Variants in SORCS3 observed in about 807,000 individuals in gnomAD.
SORCS3 encodes the protein VPS10 domain-containing receptor SorCS3.
In SORCS3, 57 loss-of-function variants were observed where a neutral mutation model predicts 146.3. That is an observed-to-expected ratio of 0.39 (90% confidence interval 0.31 to 0.49). The LOEUF (loss-of-function observed/expected upper bound fraction) is 0.49. Among genes scored for constraint, SORCS3 ranks in the 20% least tolerant of loss-of-function variants. SORCS3 has a pLI of 0.92. For missense variants in SORCS3, 1,341 were observed against 1,575.5 expected, an observed-to-expected ratio of 0.85 and a Z score of 2.52; for synonymous variants, 653 against 618.5, an observed-to-expected ratio of 1.06 and a Z score of -0.83.
chr10:105,138,061 G>A (rs2056070675), intron 7 of SORCS3, among the ~76,000 whole-genome samples: 1 of 152,152 alleles, frequency 6.6e-6, no homozygotes, highest in African/African-American at 2.4e-5. Flanking sequence ...AACAGATGTT[G>A]TATCAAAATA....
intron 3 of SORCS3, among the ~76,000 whole-genome samples, chr10:104,926,950 A>T (rs555133068): frequency 1.3e-5 from 2 of 152,304 alleles, no homozygotes; most frequent in South Asian, 2.1e-4. Context: ...GTATATCGTA[A>T]TTTTTTTAAA....
chr10:104,763,754 C>A (rs2017147468), intron 1 of SORCS3, among the ~76,000 whole-genome samples: 1 of 152,136 alleles, frequency 6.6e-6, no homozygotes, highest in Non-Finnish European at 1.5e-5. Flanking sequence ...GAATTGTAAT[C>A]CCCATAATCT....
At chr10:104,932,701 T>G (rs899073245) in intron 3 of SORCS3, among the ~76,000 whole-genome samples, 4 of 152,180 alleles carry the variant, frequency 2.6e-5, no homozygotes, top group African/African-American at 9.7e-5. Context: ...CTTTTAATTT[T>G]TATTTTTTAG....
At chr10:105,236,839 A>G (rs2056795520) in intron 20 of SORCS3, among the ~76,000 whole-genome samples, 1 of 152,158 alleles carries the variant, frequency 6.6e-6, no homozygotes, top group Non-Finnish European at 1.5e-5. Flanking sequence ...TAAAGCAAGG[A>G]TACTATAATA....
At chr10:104,983,167 T>G (rs1034593270) in intron 4 of SORCS3, among the ~76,000 whole-genome samples, 3 of 152,204 alleles carry the variant, frequency 2.0e-5, no homozygotes, top group South Asian at 2.1e-4. Context: ...ACCCGGCTAA[T>G]TTTTATATTT....
At chr10:104,736,755 T>A (rs2016778094) in intron 1 of SORCS3, among the ~76,000 whole-genome samples, 1 of 142,438 alleles carries the variant, frequency 7.0e-6, no homozygotes, top group Non-Finnish European at 1.5e-5. Flanking sequence ...CTTCTTCTTT[T>A]CTTTCAAAGG....
intron 1 of SORCS3, among the ~76,000 whole-genome samples, chr10:104,777,737 T>A (rs927166689): frequency 3.3e-5 from 5 of 152,106 alleles, no homozygotes; most frequent in African/African-American, 1.2e-4. Flanking sequence ...CCTGATTTTG[T>A]GTGTGAGTGT....
rs2056632338 is a variant in SORCS3, at chr10:105,211,268, A to G, written c.2375+18A>G. On this transcript the variant is annotated intron_variant, in intron 17 of 26. Transcript: ENST00000369701. Reference sequence around the variant, plus strand: ...AGCACTGGGTAAGTAAAACACCTACAGGAACTCAGCTCCCTGTTTTCCTGT... The same window carrying G: ...AGCACTGGGTAAGTAAAACACCTACGGGAACTCAGCTCCCTGTTTTCCTGT... 2 of 1,547,820 alleles carry G rather than the reference A, an allele frequency of 1.3e-6. No homozygotes were observed. Among genetic ancestry groups the G allele is most frequent in the Middle Eastern group, 1.7e-4 (1 of 5,950 alleles).
intron 1 of SORCS3, among the ~76,000 whole-genome samples, chr10:104,659,940 C>T (rs933186771): frequency 6.6e-6 from 1 of 152,092 alleles, no homozygotes; most frequent in Non-Finnish European, 1.5e-5. Context: ...TCCCCAGGAT[C>T]GGGGAGGGAG....
chr10:105,170,250 T>A (rs1237014658), intron 13 of SORCS3, among the ~76,000 whole-genome samples: 1 of 152,100 alleles, frequency 6.6e-6, no homozygotes, highest in Non-Finnish European at 1.5e-5. Flanking sequence ...CTTGTCTGAT[T>A]ATGCCTGGAA....
At chr10:105,043,254 G>A in intron 5 of SORCS3, 126 bp downstream of exon 5, 2 of 790,024 alleles carry the variant, frequency 2.5e-6, no homozygotes, top group Admixed American at 4.5e-5. Context: ...GCTACACAGA[G>A]TGGTTTGTAG....
chr10:105,016,740 G>C (rs1345319992), intron 4 of SORCS3, among the ~76,000 whole-genome samples: 1 of 152,072 alleles, frequency 6.6e-6, no homozygotes, highest in Non-Finnish European at 1.5e-5. Flanking sequence ...AATGTAGACA[G>C]TATTATTTCT....
intron 1 of SORCS3, among the ~76,000 whole-genome samples, chr10:104,648,583 A>T (rs1459217281): frequency 6.6e-6 from 1 of 152,098 alleles, no homozygotes; most frequent in Non-Finnish European, 1.5e-5. Context: ...AATGAATAAC[A>T]AGCTAGTTAA....
At chr10:104,878,485 CA>C (rs988847670) in intron 2 of SORCS3, among the ~76,000 whole-genome samples, 4 of 151,472 alleles carry the variant, frequency 2.6e-5, no homozygotes, top group Non-Finnish European at 4.4e-5. Flanking sequence ...TCAAAATCTG[CA>C]AAAAAAATTG....
At position 104,696,219 on chromosome 10, in the gene SORCS3, C is replaced by CATATATAATATATATCATATACACATATA. The variant is rs2016184610; in HGVS notation, c.627+54293_627+54294insAATATATAATATATATCATATACACATAT. ...TAATATATAATATATATCATATACA[C>CATATATAATATATATCATATACACATATA]ATATATAATATATATCATATACACA... On this transcript the variant is annotated intron_variant, in intron 1 of 26. Coordinates refer to ENST00000369701, the MANE Select transcript of SORCS3 (RefSeq NM_014978.3). Among the ~76,000 whole-genome samples the CATATATAATATATATCATATACACATATA allele has an allele frequency of 2.1e-4, 7 of 33,184 alleles. 2 individuals carry two copies. Among genetic ancestry groups the CATATATAATATATATCATATACACATATA allele is most frequent in the African/African-American group, 4.3e-4 (3 of 6,954 alleles). 21.8% of individuals were successfully genotyped at this position (33,184 alleles called of 152,430 possible). A position where few individuals can be genotyped will look rare whatever the true frequency, so the allele number is the denominator to read the frequency against.
intron 17 of SORCS3, among the ~76,000 whole-genome samples, chr10:105,213,614 A>T (rs1016493134): frequency 4.6e-5 from 7 of 152,150 alleles, no homozygotes; most frequent in African/African-American, 1.7e-4. Flanking sequence ...CATGCAGATC[A>T]GGGTTGTAGG....
At chr10:105,119,156 T>C (rs1288111526) in intron 7 of SORCS3, among the ~76,000 whole-genome samples, 1 of 152,162 alleles carries the variant, frequency 6.6e-6, no homozygotes, top group Non-Finnish European at 1.5e-5. Flanking sequence ...TCTCCAGCCA[T>C]GGCTGAAAGG....
At chr10:104,644,674 C>T (rs1021398069) in intron 1 of SORCS3, among the ~76,000 whole-genome samples, 29 of 152,146 alleles carry the variant, frequency 1.9e-4, no homozygotes, top group South Asian at 1.4e-3. Flanking sequence ...GCTCTTATGA[C>T]GTGGAAAGAG....
chr10:104,884,503 T>C (rs1159983984), intron 2 of SORCS3, among the ~76,000 whole-genome samples: 1 of 152,204 alleles, frequency 6.6e-6, no homozygotes, highest in Non-Finnish European at 1.5e-5. Flanking sequence ...AGGGAAAGGA[T>C]GCAGTCAGCA....
Sources: gnomAD v4.1 joint callset for allele counts (sites outside exome capture counted in the v4.1 genomes callset) on GRCh38, gnomAD v4.1.1 for gene constraint, MANE v1.5 for transcripts, NCBI Gene and HGNC (gene_info 2026-07-23, HGNC 2026-07-21) for gene names.